CTNNA2: variants seen among roughly 807,000 people sequenced by gnomAD.
CTNNA2 encodes the protein catenin alpha-2.
A neutral mutation model predicts 101.0 loss-of-function variants in CTNNA2; 42 were observed. The ratio of observed to expected loss-of-function variants is 0.42; its 90% CI spans 0.32 to 0.54. The LOEUF (loss-of-function observed/expected upper bound fraction) is 0.54. CTNNA2 is among the 20% of genes least tolerant of loss of function. CTNNA2 has a pLI of 0.14. For synonymous variants in CTNNA2, 450 were observed against 456.4 expected (o/e 0.99, Z 0.18); for missense variants, 871 against 1,223.1 (o/e 0.71, Z 4.29).
chr2:80,344,611 A>C (rs1219034596), intron 7 of CTNNA2, among the ~76,000 whole-genome samples: 1 of 152,100 alleles, frequency 6.6e-6, no homozygotes, highest in Non-Finnish European at 1.5e-5. Flanking sequence ...CAGCATCCCA[A>C]GTAGCTGAGA....
At chr2:79,616,456 T>C (rs1262419750) in intron 1 of CTNNA2, among the ~76,000 whole-genome samples, 1 of 152,210 alleles carries the variant, frequency 6.6e-6, no homozygotes, top group Non-Finnish European at 1.5e-5. Context: ...ATTCACTTTT[T>C]AGTTTGAGCT....
At chr2:79,589,385 A>T (rs1455659824) in intron 1 of CTNNA2, among the ~76,000 whole-genome samples, 1 of 152,186 alleles carries the variant, frequency 6.6e-6, no homozygotes, top group African/African-American at 2.4e-5. Context: ...TCTTCATTAC[A>T]ATACCCACTG....
At chr2:79,989,347 G>A (rs1185722860) in intron 7 of CTNNA2, among the ~76,000 whole-genome samples, 1 of 152,220 alleles carries the variant, frequency 6.6e-6, no homozygotes, top group African/African-American at 2.4e-5. Flanking sequence ...ATTAGGCTGG[G>A]CGCAGTGGCT....
intron 14 of CTNNA2, among the ~76,000 whole-genome samples, chr2:80,585,888 TAC>T (rs1695932451): frequency 2.0e-5 from 3 of 152,210 alleles, no homozygotes; most frequent in African/African-American, 7.2e-5. Flanking sequence ...CATTGATAGC[TAC>T]ATAAGCAGAA....
chr2:79,631,381 G>C (rs17017363), intron 1 of CTNNA2, among the ~76,000 whole-genome samples: 31,011 of 150,172 alleles, frequency 0.21, 3,459 homozygotes, highest in East Asian at 0.3. Context: ...TTCATACTTG[G>C]GGCCCACGCT....
intron 7 of CTNNA2, among the ~76,000 whole-genome samples, chr2:80,238,014 A>T (rs912386228): frequency 6.7e-6 from 1 of 149,754 alleles, no homozygotes; most frequent in Non-Finnish European, 1.5e-5. Flanking sequence ...CGTGTCTCTT[A>T]AAGCTACATT....
At chr2:80,640,496 G>A (rs1673347669) in intron 18 of CTNNA2, among the ~76,000 whole-genome samples, 2 of 152,178 alleles carry the variant, frequency 1.3e-5, no homozygotes, top group Non-Finnish European at 1.5e-5. Context: ...TGATTAGGCT[G>A]AACCTTTTCA....
chr2:80,495,131 G>C (rs1486289754), intron 9 of CTNNA2, among the ~76,000 whole-genome samples: 1 of 152,180 alleles, frequency 6.6e-6, no homozygotes, highest in Admixed American at 6.5e-5. Flanking sequence ...TGGTTTGCCA[G>C]GATGACTTTA....
At chr2:79,898,328 G>T (rs1396385420) in intron 6 of CTNNA2, among the ~76,000 whole-genome samples, 1 of 151,874 alleles carries the variant, frequency 6.6e-6, no homozygotes, top group East Asian at 2.0e-4. Context: ...GTAGAGATGG[G>T]GTTTCACCAT....
In CTNNA2 at chr2:80,343,695, G is replaced by A. The variant is rs539192321; in HGVS notation, c.1057-49516G>A. On this transcript the variant is annotated intron_variant, in intron 7 of 18. Coordinates refer to ENST00000402739, the MANE Select transcript of CTNNA2 (RefSeq NM_001282597.3). ...AGGACTGGAACCCATTTCTGATCAC[G>A]ATCCTTTTGAACCAATAAAAGGAAT... Among the ~76,000 whole-genome samples the A allele has an allele frequency of 8.5e-5, 13 of 152,186 alleles. No individual in the cohort carries two copies. The South Asian group carries it at 2.1e-3, about 24-fold the overall frequency.
chr2:79,935,533 T>G (rs1687727819), intron 7 of CTNNA2, among the ~76,000 whole-genome samples: 2 of 152,190 alleles, frequency 1.3e-5, no homozygotes, highest in African/African-American at 4.8e-5. Flanking sequence ...TTATTTTTAG[T>G]GCCCTGGATT....
At chr2:79,726,692 T>G (rs1222197374) in intron 2 of CTNNA2, among the ~76,000 whole-genome samples, 1 of 152,192 alleles carries the variant, frequency 6.6e-6, no homozygotes, top group Non-Finnish European at 1.5e-5. Flanking sequence ...AATGTACACT[T>G]TACAGATCAA....
intron 7 of CTNNA2, among the ~76,000 whole-genome samples, chr2:80,165,601 C>T (rs1167761832): frequency 6.6e-6 from 1 of 152,104 alleles, no homozygotes; most frequent in Middle Eastern, 3.2e-3. Context: ...GGAAAACTCC[C>T]ATTGCTGCTG....
intron 7 of CTNNA2, chr2:80,162,819 C>A: frequency 1.3e-6 from 2 of 1,596,376 alleles, no homozygotes; most frequent in Non-Finnish European, 1.7e-6. Flanking sequence ...CACTGCTTGT[C>A]TCTGAAAATT....
chr2:80,093,827 C>A (rs185420073), intron 7 of CTNNA2, among the ~76,000 whole-genome samples: 1 of 151,994 alleles, frequency 6.6e-6, no homozygotes, highest in Non-Finnish European at 1.5e-5. Flanking sequence ...CTGTTGATAT[C>A]CTTCACCCAC....
intron 1 of CTNNA2, among the ~76,000 whole-genome samples, chr2:79,552,965 C>T (rs945205538): frequency 6.6e-6 from 1 of 152,242 alleles, no homozygotes; most frequent in African/African-American, 2.4e-5. Flanking sequence ...CATTTGGCTC[C>T]TCTTTACAAA....
chr2:79,666,445 T>C (rs1347555242), intron 2 of CTNNA2, among the ~76,000 whole-genome samples: 2 of 152,352 alleles, frequency 1.3e-5, no homozygotes, highest in South Asian at 2.1e-4. Flanking sequence ...GGACTCTTTT[T>C]AGTATTTTCA....
At chr2:79,838,153 C>G (rs1679534977) in intron 3 of CTNNA2, among the ~76,000 whole-genome samples, 1 of 151,888 alleles carries the variant, frequency 6.6e-6, no homozygotes, top group Non-Finnish European at 1.5e-5. Context: ...TAAAGTGAAC[C>G]AAATATTAAA....
chr2:79,876,859 A>G (rs544037931), intron 6 of CTNNA2, among the ~76,000 whole-genome samples: 202 of 152,280 alleles, frequency 1.3e-3, no homozygotes, highest in African/African-American at 3.7e-3. Flanking sequence ...CTGAAGTGAT[A>G]TCTCCTCATG....
Sources: gnomAD v4.1 joint callset for allele counts (sites outside exome capture counted in the v4.1 genomes callset) on GRCh38, gnomAD v4.1.1 for gene constraint, MANE v1.5 for transcripts, NCBI Gene and HGNC (gene_info 2026-07-23, HGNC 2026-07-21) for gene names.